RB1CC1: variants seen among roughly 807,000 people sequenced by gnomAD.
RB1CC1 encodes the protein RB1 inducible coiled-coil 1.
In RB1CC1, 46 loss-of-function variants were observed where a neutral mutation model predicts 177.5. The observed-to-expected ratio is 0.26, with a 90% CI of 0.20 to 0.33. The LOEUF (loss-of-function observed/expected upper bound fraction) is 0.33. Among genes scored for constraint, RB1CC1 ranks in the 10% least tolerant of loss-of-function variants. RB1CC1 has a pLI of 1.00. For synonymous variants in RB1CC1, 666 were observed against 613.6 expected (o/e 1.09, Z -1.26); for missense variants, 1,703 against 1,816.3 (o/e 0.94, Z 1.13).
chr8:52,704,151 T>A (rs1480753073), intron 1 of RB1CC1, among the ~76,000 whole-genome samples: 3 of 152,158 alleles, frequency 2.0e-5, no homozygotes, highest in Non-Finnish European at 4.4e-5. Context: ...TAGCTTCACA[T>A]CTTTACTCCT....
chr8:52,673,992 A>G lies in RB1CC1; in HGVS notation c.855T>C (p.Thr285=), dbSNP rs755649553. 1.2e-6 allele frequency: 2 copies of G among 1,614,206 alleles called. No individual in the cohort carries two copies. The highest frequency in any genetic ancestry group is 1.1e-5 in the South Asian group (1 of 91,086). The change falls in exon 7 of 24, where the codon ACT becomes ACC. Residue 285 remains threonine (T), a synonymous_variant. Transcript: ENST00000025008. The part of the protein sequence containing the change: ...GKEIRESCQS[T]VHQQDETTID... ...TCGTAGTTTCATCTTGCTGATGAAC[A>G]GTACTTTGACAAGATTCCCTAATTT...
chr8:52,673,978 T>G lies in RB1CC1; in HGVS notation c.869A>C (p.Asp290Ala), dbSNP rs545215592. 2.8e-5 allele frequency: 46 copies of G among 1,614,204 alleles called. No homozygotes were observed. The East Asian group carries it at 3.8e-4, about 13-fold the overall frequency. Residue 290 changes from aspartate (D) to alanine (A), a missense_variant, in exon 7 of 24, where the codon GAT (aspartate) becomes GCT (alanine). Asp to Ala is a moderately radical substitution (Grantham distance 126). Coordinates refer to ENST00000025008, the MANE Select transcript of RB1CC1 (RefSeq NM_014781.5). ...ESCQSTVHQQ[D>A]ETTIDTKDGD... ...ATCTTTAGTGTCAATCGTAGTTTCA[T>G]CTTGCTGATGAACAGTACTTTGACA...
Position 52,634,928 on chromosome 8 carries a change from T to A in RB1CC1, c.4433A>T (p.Gln1478Leu). Residue 1478 changes from glutamine (Q) to leucine (L), a missense_variant, in exon 20 of 24, where the codon CAA becomes CTA. Physicochemically the swap from Gln to Leu is moderately radical, Grantham distance 113. Around this residue, in one of 6 missense-constraint regions of RB1CC1, gnomAD observed 1,169 missense variants for 1,184.7 expected, o/e 0.99. Coordinates refer to ENST00000025008, the MANE Select transcript of RB1CC1 (RefSeq NM_014781.5). ...LKEEENKRLNQRLMSQSMSSV... is the reference protein window; with the variant it reads ...LKEEENKRLNLRLMSQSMSSV... ...CAAGAAGAAAAATCTTACCAGTCTT[T>A]GATTTAACCGTTTATTTTCTTCTTC... 1 of 1,605,916 alleles carries A rather than the reference T, an allele frequency of 6.2e-7. No homozygotes were observed. Among genetic ancestry groups the A allele is most frequent in the Non-Finnish European group, 8.5e-7 (1 of 1,175,440 alleles).
chr8:52,673,845 C>A lies in RB1CC1; in HGVS notation c.1002G>T (p.Arg334Ser). 1 of 1,602,824 alleles carries A rather than the reference C, an allele frequency of 6.2e-7. No homozygotes were observed. The highest frequency in any genetic ancestry group is 8.5e-7 in the Non-Finnish European group (1 of 1,172,720). The change falls in exon 7 of 24, where the codon AGG becomes AGT. Residue 334 changes from arginine to serine, a missense_variant and splice_region_variant. Arg to Ser is a moderately radical substitution (Grantham distance 110, BLOSUM62 -1). This residue lies in a region of RB1CC1 where 315 missense variants were observed against 304.9 expected (regional missense o/e 1.03). Coordinates refer to ENST00000025008, the MANE Select transcript of RB1CC1 (RefSeq NM_014781.5). ...CAAACATCAAATTAACGTTACTTAC[C>A]CTGCTCATAGAATCAAAGCACTTCC... ...LVRKCFDSMS[R>S]LDPRIIRPFI...
At chr8:52,638,768 T>C (rs1194652028) in intron 18 of RB1CC1, among the ~76,000 whole-genome samples, 1 of 152,116 alleles carries the variant, frequency 6.6e-6, no homozygotes, top group Non-Finnish European at 1.5e-5. Context: ...ATATATACAA[T>C]GTAAAATATG....
In RB1CC1 at chr8:52,642,393, C is replaced by T; in HGVS notation, c.4295G>A (p.Gly1432Glu). The T allele has an allele frequency of 2.5e-6, 4 of 1,614,086 alleles. No individual in the cohort carries two copies. Among genetic ancestry groups the T allele is most frequent in the African/African-American group, 1.3e-5 (1 of 75,056 alleles). The change falls in exon 18 of 24, where the codon GGA becomes GAA. Residue 1432 changes from glycine to glutamate, a missense_variant. Physicochemically the swap from Gly to Glu is moderately conservative, Grantham distance 98 (BLOSUM62 -2). Transcript: ENST00000025008. ...TGTCTCCATTGCTGAATCCACTCTT[C>T]CTTCATCTGCTGTTTCCACAGCGGA... is the stretch of plus-strand genomic sequence containing the variant. The part of the protein sequence containing the change: ...DRSAVETADE[G>E]RVDSAMETSM...
intron 15 of RB1CC1, among the ~76,000 whole-genome samples, chr8:52,651,903 G>C (rs1850621128): frequency 6.6e-6 from 1 of 152,144 alleles, no homozygotes; most frequent in South Asian, 2.1e-4. Flanking sequence ...TAAATGTTAA[G>C]ATTATGAGAA....
intron 15 of RB1CC1, among the ~76,000 whole-genome samples, chr8:52,648,908 C>T (rs1167066026): frequency 6.6e-6 from 1 of 152,080 alleles, no homozygotes; most frequent in African/African-American, 2.4e-5. Context: ...TGCTTTGGAG[C>T]CATTAAATAA....
At chr8:52,648,057 T>C (rs1486094228) in intron 15 of RB1CC1, among the ~76,000 whole-genome samples, 4 of 152,122 alleles carry the variant, frequency 2.6e-5, no homozygotes, top group African/African-American at 4.8e-5. Flanking sequence ...GGGTCAGTGC[T>C]GTGCTGAGAT....
At position 52,623,309 on chromosome 8, in the gene RB1CC1, CTCTT is replaced by C. The variant is rs1848174562; in HGVS notation, c.*469_*472del. On this transcript the variant is annotated 3_prime_UTR_variant, in exon 24 of 24. Transcript: ENST00000025008. Reference sequence around the variant, plus strand: ...TGATTATCAGCATGCAATAACACTCCTCTTTATTTTAAATAGTTCTGAATAATTT... The same window carrying C: ...TGATTATCAGCATGCAATAACACTCCTATTTTAAATAGTTCTGAATAATTT... 5.4e-6 allele frequency: 1 copy of C among 184,578 alleles called. No homozygotes were observed. The highest frequency in any genetic ancestry group is 1.5e-4 in the East Asian group (1 of 6,514). The allele number at this position is 184,578 out of a possible 1,614,324, so 11.4% of individuals were successfully genotyped here.
chr8:52,669,808 A>G (rs1327497668), intron 7 of RB1CC1, among the ~76,000 whole-genome samples: 1 of 152,234 alleles, frequency 6.6e-6, no homozygotes, highest in African/African-American at 2.4e-5. Flanking sequence ...ACAATTATAC[A>G]TAAACTTAAC....
chr8:52,658,806 G>C, intron 13 of RB1CC1, 67 bp downstream of exon 13: 1 of 1,136,384 alleles, frequency 8.8e-7, no homozygotes, highest in East Asian at 2.8e-5. Flanking sequence ...GTACTACCTG[G>C]CACAACTCCA....
intron 15 of RB1CC1, among the ~76,000 whole-genome samples, chr8:52,649,441 T>G (rs1850366988): frequency 6.6e-6 from 1 of 152,170 alleles, no homozygotes; most frequent in Non-Finnish European, 1.5e-5. Flanking sequence ...AAAATTTACA[T>G]TGAACATAAA....
At chr8:52,673,486 T>C (rs1224045142) in intron 7 of RB1CC1, among the ~76,000 whole-genome samples, 4 of 152,162 alleles carry the variant, frequency 2.6e-5, no homozygotes, top group South Asian at 2.1e-4. Context: ...TCTAAGGAAA[T>C]AGTGACTGGA....
chr8:52,684,594 T>C (rs1489243195), intron 3 of RB1CC1, among the ~76,000 whole-genome samples: 1 of 152,220 alleles, frequency 6.6e-6, no homozygotes, highest in Non-Finnish European at 1.5e-5. Context: ...CAGAGAATTA[T>C]TAGATACCTG....
At chr8:52,665,064 G>C (rs1306160141) in intron 8 of RB1CC1, among the ~76,000 whole-genome samples, 1 of 152,114 alleles carries the variant, frequency 6.6e-6, no homozygotes, top group Non-Finnish European at 1.5e-5. Flanking sequence ...CTGAGAAACA[G>C]TTATAAAGAA....
chr8:52,680,355 A>G (rs1853580172), intron 5 of RB1CC1, among the ~76,000 whole-genome samples: 1 of 152,246 alleles, frequency 6.6e-6, no homozygotes, highest in South Asian at 2.1e-4. Flanking sequence ...CTGAAAACAG[A>G]GAAGTCTAAA....
At chr8:52,669,555 AAC>A in intron 7 of RB1CC1, among the ~76,000 whole-genome samples, 1 of 152,298 alleles carries the variant, frequency 6.6e-6, no homozygotes, top group East Asian at 1.9e-4. Context: ...GTGCATGTCT[AAC>A]ACTACCGAAA....
intron 1 of RB1CC1, among the ~76,000 whole-genome samples, chr8:52,707,743 CTT>C (rs1306448081): frequency 6.6e-6 from 1 of 152,200 alleles, no homozygotes; most frequent in Non-Finnish European, 1.5e-5. Flanking sequence ...GCTACACTCT[CTT>C]TGTCACCTCC....
Sources: gnomAD v4.1 joint callset for allele counts (sites outside exome capture counted in the v4.1 genomes callset) on GRCh38, gnomAD v4.1.1 for gene constraint, gnomAD v4.1.1 regional missense constraint, MANE v1.5 for transcripts, NCBI Gene and HGNC (gene_info 2026-07-23, HGNC 2026-07-21) for gene names.